The following FNDC3A variants were observed in gnomAD, a reference collection of about 807,000 sequenced individuals.
FNDC3A encodes fibronectin type-III domain-containing protein 3A.
A neutral mutation model predicts 148.9 loss-of-function variants in FNDC3A; 32 were observed. That is an observed-to-expected ratio of 0.21 (90% confidence interval 0.16 to 0.29). FNDC3A has a LOEUF of 0.29. Ranked by LOEUF, FNDC3A falls within the 10% of genes least tolerant of loss-of-function variation. The pLI, the probability that FNDC3A is intolerant of heterozygous loss-of-function variation, is 1.00. For synonymous variants in FNDC3A, 472 were observed against 473.6 expected, an observed-to-expected ratio of 1.00 and a Z score of 0.04; for missense variants, 1,191 against 1,452.8, an observed-to-expected ratio of 0.82 and a Z score of 2.93.
At chr13:49,114,869 T>C in intron 4 of FNDC3A, 138 bp downstream of exon 4, 2 of 684,918 alleles carry the variant, frequency 2.9e-6, no homozygotes, top group Non-Finnish European at 5.1e-6. Flanking sequence ...TAAATCTATT[T>C]CAAGTATTTT....
chr13:49,098,628 A>C (rs74980566), intron 3 of FNDC3A, among the ~76,000 whole-genome samples: 1,726 of 152,242 alleles, frequency 0.011, 36 homozygotes, highest in African/African-American at 0.039. Context: ...ATTTATATGC[A>C]GTTCAATTTA....
At chr13:49,036,654 G>A (rs1874515811) in intron 2 of FNDC3A, among the ~76,000 whole-genome samples, 1 of 152,188 alleles carries the variant, frequency 6.6e-6, no homozygotes. Flanking sequence ...AAAGGCTTGT[G>A]TTGTAGTGGA....
chr13:49,148,018 ATGTC>A lies in FNDC3A; in HGVS notation c.977+2085_977+2088del, dbSNP rs553019758. 3.2e-4 allele frequency among the ~76,000 whole-genome samples: 49 copies of A among 152,188 alleles called. No homozygotes were observed. The South Asian group carries it at 7.5e-3, about 23-fold the overall frequency. ...TTTCATATACCTGTTGGCCATTTGT[ATGTC>A]TTTGGAGAAATGTCTATTCATGTCC... is the stretch of plus-strand genomic sequence containing the variant. On this transcript the variant is annotated intron_variant, in intron 8 of 25. Coordinates refer to ENST00000492622, the MANE Select transcript of FNDC3A (RefSeq NM_001079673.2).
At chr13:49,207,050 G>T (rs775866837) in intron 25 of FNDC3A, 31 bp from the exon 26 acceptor site, 48 of 1,535,092 alleles carry the variant, frequency 3.1e-5, no homozygotes, top group Non-Finnish European at 4.2e-5. Flanking sequence ...GCCTTCACAC[G>T]TAATTCTTCC....
At chr13:49,193,452 G>C (rs1885992081) in intron 19 of FNDC3A, among the ~76,000 whole-genome samples, 1 of 152,002 alleles carries the variant, frequency 6.6e-6, no homozygotes, top group Non-Finnish European at 1.5e-5. Flanking sequence ...ATAGAGATGG[G>C]GGTCCCCTTA....
intron 8 of FNDC3A, among the ~76,000 whole-genome samples, chr13:49,163,164 A>G (rs1406334493): frequency 6.6e-6 from 1 of 152,190 alleles, no homozygotes. Flanking sequence ...CTCTCCTCAA[A>G]GCTGTCAGAC....
chr13:49,006,330 C>T lies in FNDC3A; in HGVS notation c.99+41C>T, dbSNP rs1404102367. ...TGTTTATTTCTTTATGTCTAATACA[C>T]ATGTATTTATGCAAAATTTAAAACA... is the stretch of plus-strand genomic sequence containing the variant. On this transcript the variant is annotated intron_variant, in intron 2 of 25. Transcript: ENST00000492622. 4.3e-6 allele frequency: 5 copies of T among 1,163,538 alleles called. No individual in the cohort carries two copies. The South Asian group carries it at 6.6e-5, about 15-fold the overall frequency. The allele number at this position is 1,163,538 out of a possible 1,614,324, so 72.1% of individuals were successfully genotyped here. A position where few individuals can be genotyped will look rare whatever the true frequency, so the allele number is the denominator to read the frequency against.
chr13:49,055,529 T>C (rs2897633), intron 2 of FNDC3A, among the ~76,000 whole-genome samples: 97,112 of 151,932 alleles, frequency 0.64, 31,415 homozygotes, highest in Non-Finnish European at 0.68. Flanking sequence ...GAAACATTTA[T>C]AATCTTTATT....
chr13:49,194,869 AC>A (rs1326375340), intron 19 of FNDC3A, among the ~76,000 whole-genome samples: 1 of 152,072 alleles, frequency 6.6e-6, no homozygotes, highest in Non-Finnish European at 1.5e-5. Flanking sequence ...GATTTTTTAA[AC>A]TTATTAATAT....
rs376763239 is a variant in FNDC3A, at chr13:49,136,389, A to G, written c.548A>G (p.Tyr183Cys). The G allele has an allele frequency of 6.2e-7, 1 of 1,614,074 alleles. No homozygotes were observed. The highest frequency in any genetic ancestry group is 8.5e-7 in the Non-Finnish European group (1 of 1,179,926). Reference sequence around the variant, plus strand: ...AGAGATGAACGATCTAGTAAAACATATGAACGTTTGCAGAAAAAATTGAAG... The same window carrying G: ...AGAGATGAACGATCTAGTAAAACATGTGAACGTTTGCAGAAAAAATTGAAG... ...NFRDERSSKT[Y>C]ERLQKKLKDR... The change falls in exon 6 of 26, where the codon TAT becomes TGT. Residue 183 changes from tyrosine (Y) to cysteine (C), a missense_variant. This residue lies in a region of FNDC3A where 426 missense variants were observed against 473.2 expected (regional missense o/e 0.90). Transcript: ENST00000492622.
intron 2 of FNDC3A, chr13:49,045,869 CTT>C: frequency 3.2e-6 from 1 of 315,792 alleles, no homozygotes; most frequent in Non-Finnish European, 5.8e-6. Flanking sequence ...GTTTCTTACA[CTT>C]TAGATACATC....
At chr13:49,162,942 CTGCAGAACAGCAAATAT>C (rs1359932482) in intron 8 of FNDC3A, among the ~76,000 whole-genome samples, 13 of 152,326 alleles carry the variant, frequency 8.5e-5, no homozygotes, top group Admixed American at 1.3e-4. Context: ...CCAGCGGAGG[CTGCAGAACAGCAAATAT>C]TGCAGAACAG....
intron 2 of FNDC3A, among the ~76,000 whole-genome samples, chr13:49,037,127 A>G (rs1874551855): frequency 6.6e-6 from 1 of 152,232 alleles, no homozygotes; most frequent in Non-Finnish European, 1.5e-5. Flanking sequence ...TGGCTAGGCT[A>G]GAGGCAAGTC....
At chr13:49,043,024 A>G (rs1875067193) in intron 2 of FNDC3A, among the ~76,000 whole-genome samples, 1 of 152,082 alleles carries the variant, frequency 6.6e-6, no homozygotes, top group Admixed American at 6.6e-5. Flanking sequence ...GGTACAATCA[A>G]GGCTCACTTC....
chr13:49,094,737 A>T (rs1879415390), intron 3 of FNDC3A, among the ~76,000 whole-genome samples: 1 of 152,094 alleles, frequency 6.6e-6, no homozygotes, highest in Non-Finnish European at 1.5e-5. Context: ...AGCATATAGC[A>T]AGAGCATTCA....
At position 49,097,240 on chromosome 13, in the gene FNDC3A, A is replaced by G. The variant is rs371279389; in HGVS notation, c.176-17415A>G. Among the ~76,000 whole-genome samples, 147 of 152,138 alleles carry G rather than the reference A, an allele frequency of 9.7e-4. 1 individual carries two copies. The highest frequency in any genetic ancestry group is 3.4e-3 in the African/African-American group (141 of 41,536). On this transcript the variant is annotated intron_variant, in intron 3 of 25. Transcript: ENST00000492622. The stretch of plus-strand genomic sequence containing the variant: ...CTAGGATGATTTACAAATTTCACAG[A>G]CAAGAAGAACTATGAGAACAACTGT...
intron 13 of FNDC3A, among the ~76,000 whole-genome samples, chr13:49,176,356 ATTATTC>A (rs1211644294): frequency 2.0e-5 from 3 of 152,098 alleles, no homozygotes; most frequent in Non-Finnish European, 4.4e-5. Flanking sequence ...GCTGGAAACC[ATTATTC>A]TCAGCAAACT....
chr13:49,192,097 C>T (rs1885915984), intron 19 of FNDC3A, among the ~76,000 whole-genome samples: 1 of 152,128 alleles, frequency 6.6e-6, no homozygotes, highest in South Asian at 2.1e-4. Context: ...TGCAATAAAG[C>T]AGGTTCCCTA....
At chr13:49,058,378 A>G (rs1337598849) in intron 2 of FNDC3A, among the ~76,000 whole-genome samples, 2 of 152,106 alleles carry the variant, frequency 1.3e-5, no homozygotes, top group African/African-American at 4.8e-5. Flanking sequence ...TACCAGGCCC[A>G]GGGTGTGGTG....
Sources: allele counts gnomAD v4.1 joint callset (sites outside exome capture counted in the v4.1 genomes callset), GRCh38; gene constraint gnomAD v4.1.1; regional missense constraint gnomAD v4.1.1; transcripts MANE v1.5; gene names NCBI Gene and HGNC (gene_info 2026-07-23, HGNC 2026-07-21).